AGPS: variants seen among roughly 807,000 people sequenced by gnomAD.
AGPS encodes the protein alkylglycerone phosphate synthase.
In AGPS, 26 loss-of-function variants were observed where a neutral mutation model predicts 90.7. The ratio of observed to expected loss-of-function variants is 0.29; its 90% CI spans 0.21 to 0.40. The LOEUF is 0.40. Ranked by LOEUF, AGPS falls within the 10% of genes least tolerant of loss-of-function variation. The pLI is 1.00. For synonymous variants in AGPS, 294 were observed against 285.3 expected, an observed-to-expected ratio of 1.03 and a Z score of -0.31; for missense variants, 540 against 816.1, an observed-to-expected ratio of 0.66 and a Z score of 4.12.
At chr2:177,464,953 A>G (rs1390776995) in intron 9 of AGPS, among the ~76,000 whole-genome samples, 2 of 152,208 alleles carry the variant, frequency 1.3e-5, no homozygotes, top group Admixed American at 6.5e-5. Flanking sequence ...GGAATAGACA[A>G]TTCAAGCAAT....
chr2:177,410,889 C>T (rs918865163), intron 1 of AGPS, among the ~76,000 whole-genome samples: 3 of 152,170 alleles, frequency 2.0e-5, no homozygotes, highest in African/African-American at 7.2e-5. Flanking sequence ...AGTGGGCCTT[C>T]CAGTGATTCC....
intron 8 of AGPS, among the ~76,000 whole-genome samples, chr2:177,459,932 T>C (rs1243791905): frequency 1.3e-5 from 2 of 152,178 alleles, no homozygotes; most frequent in Admixed American, 6.5e-5. Context: ...CCATCAATGA[T>C]AGACTGGATT....
intron 2 of AGPS, among the ~76,000 whole-genome samples, chr2:177,427,955 G>T (rs969623313): frequency 6.6e-6 from 1 of 152,180 alleles, no homozygotes; most frequent in African/African-American, 2.4e-5. Flanking sequence ...TATTGTGTGT[G>T]AGTGTAAGTC....
chr2:177,481,471 T>C (rs1229531933), intron 10 of AGPS, among the ~76,000 whole-genome samples: 2 of 151,910 alleles, frequency 1.3e-5, no homozygotes, highest in African/African-American at 4.8e-5. Context: ...TCATCTTATG[T>C]TAGATATTTA....
rs1298238877 is a variant in AGPS at position 177,420,376 on chromosome 2, C to T, written c.350+18C>T. On this transcript the variant is annotated intron_variant, in intron 2 of 19. Coordinates refer to ENST00000264167, the MANE Select transcript of AGPS (RefSeq NM_003659.4). ...GGGAAAAGGTAACCCTGGTTTATTT[C>T]TTCTTTTGTTCCTCCTTTAATTCTT... 6.5e-7 allele frequency: 1 copy of T among 1,541,500 alleles called. No homozygotes were observed. The highest frequency in any genetic ancestry group is 9.0e-7 in the Non-Finnish European group (1 of 1,114,834).
chr2:177,409,880 T>C (rs1685571245), intron 1 of AGPS, among the ~76,000 whole-genome samples: 1 of 152,192 alleles, frequency 6.6e-6, no homozygotes, highest in Admixed American at 6.5e-5. Context: ...TGGCCTGCAG[T>C]GCAGGGGATT....
At chr2:177,519,385 G>A (rs1330745325) in intron 17 of AGPS, among the ~76,000 whole-genome samples, 2 of 151,938 alleles carry the variant, frequency 1.3e-5, no homozygotes, top group Non-Finnish European at 2.9e-5. Flanking sequence ...CTTATTCTTT[G>A]TATAGACTGA....
intron 1 of AGPS, among the ~76,000 whole-genome samples, chr2:177,408,377 G>A (rs62175866): frequency 0.02 from 2,977 of 152,248 alleles, 44 homozygotes; most frequent in Non-Finnish European, 0.029. Flanking sequence ...ATAAATAATT[G>A]TTTTAATTTT....
chr2:177,417,603 A>G (rs1017833330), intron 1 of AGPS, among the ~76,000 whole-genome samples: 1 of 152,178 alleles, frequency 6.6e-6, no homozygotes, highest in Non-Finnish European at 1.5e-5. Context: ...GAAGAGGAAG[A>G]ATTATGAGAC....
At chr2:177,474,212 C>T (rs555761346) in intron 10 of AGPS, among the ~76,000 whole-genome samples, 2 of 152,304 alleles carry the variant, frequency 1.3e-5, no homozygotes, top group East Asian at 1.9e-4. Flanking sequence ...CCCTGTCTTA[C>T]AGGCATCTTC....
intron 10 of AGPS, among the ~76,000 whole-genome samples, chr2:177,475,405 G>C (rs1378128049): frequency 1.3e-5 from 2 of 152,080 alleles, no homozygotes; most frequent in African/African-American, 4.8e-5. Context: ...CAAAGTTTTG[G>C]AAATTCACCT....
intron 16 of AGPS, among the ~76,000 whole-genome samples, chr2:177,508,547 A>AT (rs1201614485): frequency 9.9e-5 from 15 of 152,180 alleles, no homozygotes; most frequent in Non-Finnish European, 1.3e-4. Flanking sequence ...ACTGGAGCAT[A>AT]TTTTAGGAAA....
chr2:177,538,068 T>C lies in AGPS; in HGVS notation c.1856-6T>C. The C allele has an allele frequency of 6.2e-7, 1 of 1,613,020 alleles. No individual in the cohort carries two copies. Among genetic ancestry groups the C allele is most frequent in the African/African-American group, 1.3e-5 (1 of 74,982 alleles). ...TATTGAAGCATTTTTGATTTTGTTT[T>C]TCCAGTGGGCAAGTTACGGAAGCAA... On this transcript the variant is annotated splice_polypyrimidine_tract_variant and splice_region_variant and intron_variant, in intron 19 of 19. Coordinates refer to ENST00000264167, the MANE Select transcript of AGPS (RefSeq NM_003659.4).
At chr2:177,467,172 G>A (rs1687478730) in intron 9 of AGPS, among the ~76,000 whole-genome samples, 1 of 152,034 alleles carries the variant, frequency 6.6e-6, no homozygotes, top group African/African-American at 2.4e-5. Flanking sequence ...ATAAGCACAT[G>A]AATGTATCTA....
intron 1 of AGPS, among the ~76,000 whole-genome samples, chr2:177,407,611 G>GC (rs1285470607): frequency 6.6e-6 from 1 of 152,016 alleles, no homozygotes; most frequent in African/African-American, 2.4e-5. Context: ...TGAGGGATCT[G>GC]CCCCCATGAC....
chr2:177,479,232 T>C (rs933123546), intron 10 of AGPS, among the ~76,000 whole-genome samples: 2 of 152,148 alleles, frequency 1.3e-5, no homozygotes, highest in African/African-American at 4.8e-5. Flanking sequence ...GACAAGGGGA[T>C]TGAAACCCCA....
intron 10 of AGPS, among the ~76,000 whole-genome samples, chr2:177,470,453 C>T (rs755497791): frequency 7.9e-5 from 12 of 152,028 alleles, no homozygotes; most frequent in Non-Finnish European, 1.6e-4. Flanking sequence ...CCTGTAATCC[C>T]AGCACTTTGC....
chr2:177,415,639 CT>C (rs1559036983), intron 1 of AGPS, among the ~76,000 whole-genome samples: 1 of 152,214 alleles, frequency 6.6e-6, no homozygotes, highest in Non-Finnish European at 1.5e-5. Flanking sequence ...AGAAGGCTCA[CT>C]GTCTAGAGGA....
At position 177,541,303 on chromosome 2, in the gene AGPS, C is replaced by CA. The variant is rs914187025; in HGVS notation, c.*3109dup. The stretch of plus-strand genomic sequence containing the variant: ...TTGCATTTTTGAAAATGCCTTTCTG[C>CA]ATGTTAGCACCCAGACTTTCCTTTG... On this transcript the variant is annotated 3_prime_UTR_variant, in exon 20 of 20. Transcript: ENST00000264167. 6.6e-6 allele frequency: 1 copy of CA among 152,144 alleles called. No homozygotes were observed. Among genetic ancestry groups the CA allele is most frequent in the Non-Finnish European group, 1.5e-5 (1 of 68,002 alleles). 9.4% of individuals were successfully genotyped at this position (152,144 alleles called of 1,614,324 possible).
Sources: gnomAD v4.1 joint callset for allele counts (sites outside exome capture counted in the v4.1 genomes callset) on GRCh38, gnomAD v4.1.1 for gene constraint, MANE v1.5 for transcripts, NCBI Gene and HGNC (gene_info 2026-07-23, HGNC 2026-07-21) for gene names.